Variants in MEGF10 observed in about 807,000 individuals in gnomAD.
MEGF10 encodes multiple EGF like domains 10, also known as multiple epidermal growth factor-like domains protein 10.
MEGF10 carries 86 observed loss-of-function variants against 147.5 expected under a neutral mutation model. That is an observed-to-expected ratio of 0.58 (90% CI 0.49 to 0.70). The LOEUF (loss-of-function observed/expected upper bound fraction) is 0.70. Ranked by LOEUF, MEGF10 falls within the 30% of genes least tolerant of loss-of-function variation. MEGF10 has a pLI of 0.00. For synonymous variants in MEGF10, 478 were observed against 525.5 expected, an observed-to-expected ratio of 0.91 and a Z score of 1.24; for missense variants, 1,329 against 1,487.3, an observed-to-expected ratio of 0.89 and a Z score of 1.75.
At chr5:127,419,043 A>T (rs912558739) in intron 10 of MEGF10, 77 bp from the exon 11 acceptor site, 4 of 1,485,230 alleles carry the variant, frequency 2.7e-6, no homozygotes, top group Non-Finnish European at 3.6e-6. Flanking sequence ...CATTGCCAAG[A>T]TATATTTTTG....
chr5:127,410,373 G>T lies in MEGF10; in HGVS notation c.918-16G>T. On this transcript the variant is annotated splice_polypyrimidine_tract_variant and intron_variant, in intron 8 of 24. Coordinates refer to ENST00000503335, the MANE Select transcript of MEGF10 (RefSeq NM_001256545.2). ...CTAACTAATCTTTCTTCTTGCTCCTGCCTCTTGCTTGGTAGGTGCCAGGAT... is the reference window on the plus strand; with the variant it reads ...CTAACTAATCTTTCTTCTTGCTCCTTCCTCTTGCTTGGTAGGTGCCAGGAT... 1.2e-6 allele frequency: 2 copies of T among 1,612,738 alleles called. No individual in the cohort carries two copies. The highest frequency in any genetic ancestry group is 1.7e-6 in the Non-Finnish European group (2 of 1,178,798).
In MEGF10 at chr5:127,457,310, A is replaced by G; in HGVS notation, c.3415A>G (p.Ser1139Gly). The G allele has an allele frequency of 6.2e-7, 1 of 1,613,030 alleles. No homozygotes were observed. ...TAGCAGCAGCAACAGCAGCAGCAGC[A>G]GTGAATGACACCAAAGGACCGCTTG... ...GGSSSNSSSS[S>G]E is the part of the protein sequence containing the mutation. Residue 1139 changes from serine (S) to glycine (G), a missense_variant, in exon 25 of 25, where the codon AGT becomes GGT. Transcript: ENST00000503335.
chr5:127,352,745 T>C (rs1762129581), intron 4 of MEGF10, among the ~76,000 whole-genome samples: 1 of 151,908 alleles, frequency 6.6e-6, no homozygotes, highest in East Asian at 1.9e-4. Context: ...GGAGATACAG[T>C]GAGACTGCCT....
chr5:127,321,513 T>C (rs144793043), intron 1 of MEGF10, among the ~76,000 whole-genome samples: 382 of 152,250 alleles, frequency 2.5e-3, no homozygotes, highest in African/African-American at 8.8e-3. Flanking sequence ...AGGAAAATTT[T>C]CTAAGATTTT....
At chr5:127,346,729 A>G (rs567533367) in intron 4 of MEGF10, among the ~76,000 whole-genome samples, 1 of 151,986 alleles carries the variant, frequency 6.6e-6, no homozygotes, top group African/African-American at 2.4e-5. Context: ...AGTCCCATCT[A>G]TTTATCTTTG....
intron 1 of MEGF10, among the ~76,000 whole-genome samples, chr5:127,325,349 T>G (rs1760969515): frequency 6.6e-6 from 1 of 152,192 alleles, no homozygotes; most frequent in Non-Finnish European, 1.5e-5. Context: ...GTTGCCATAG[T>G]TTCTTGCCCT....
At chr5:127,297,960 A>C (rs1336405966) in intron 1 of MEGF10, among the ~76,000 whole-genome samples, 1 of 152,088 alleles carries the variant, frequency 6.6e-6, no homozygotes, top group Non-Finnish European at 1.5e-5. Context: ...TGTCACCTGG[A>C]TCTGAATTCA....
At chr5:127,268,602 G>A in the MEGF10 span, among the ~76,000 whole-genome samples, 2 of 152,214 alleles carry the variant, frequency 1.3e-5, no homozygotes, top group African/African-American at 4.8e-5. Flanking sequence ...AGCTTGAACT[G>A]GGTGGAGCCC....
chr5:127,398,545 A>G, intron 6 of MEGF10, 131 bp from the exon 7 acceptor site: 4 of 1,037,458 alleles, frequency 3.9e-6, no homozygotes, highest in Admixed American at 2.2e-5. Context: ...AATGTTCTTG[A>G]TGTTAATTAA....
At chr5:127,400,643 T>C (rs1764091317) in intron 7 of MEGF10, among the ~76,000 whole-genome samples, 1 of 152,198 alleles carries the variant, frequency 6.6e-6, no homozygotes, top group Admixed American at 6.5e-5. Context: ...TCCTAGGACT[T>C]CTGTGTAGAT....
the MEGF10 span, among the ~76,000 whole-genome samples, chr5:127,279,076 A>G: frequency 1.3e-5 from 2 of 152,178 alleles, no homozygotes; most frequent in Non-Finnish European, 2.9e-5. Flanking sequence ...GGTGAGTAAA[A>G]TGCAGCAAGA....
chr5:127,406,872 T>G (rs1764350320), intron 8 of MEGF10, among the ~76,000 whole-genome samples: 1 of 152,190 alleles, frequency 6.6e-6, no homozygotes, highest in African/African-American at 2.4e-5. Flanking sequence ...CGAATGCCGA[T>G]AGTGCTGCCG....
At chr5:127,365,838 C>T (rs183555058) in intron 4 of MEGF10, among the ~76,000 whole-genome samples, 7 of 152,146 alleles carry the variant, frequency 4.6e-5, no homozygotes, top group Non-Finnish European at 1.0e-4. Context: ...TTTAATTGCC[C>T]TTTTAAAAAA....
the MEGF10 span, among the ~76,000 whole-genome samples, chr5:127,283,903 G>T: frequency 6.6e-6 from 1 of 152,064 alleles, no homozygotes; most frequent in Non-Finnish European, 1.5e-5. Flanking sequence ...TTTTTTGGGG[G>T]AAAACACTAA....
At chr5:127,440,669 G>T in intron 17 of MEGF10, 70 bp from the exon 18 acceptor site, 1 of 1,533,072 alleles carries the variant, frequency 6.5e-7, no homozygotes, top group Non-Finnish European at 8.9e-7. Flanking sequence ...CAAATATGTT[G>T]GAGGCACGAG....
rs147939406 is a variant in MEGF10 at position 127,355,314 on chromosome 5, T to TAA, written c.320-14587_320-14586dup. On this transcript the variant is annotated intron_variant, in intron 4 of 24. Coordinates refer to ENST00000503335, the MANE Select transcript of MEGF10 (RefSeq NM_001256545.2). Reference sequence around the variant, plus strand: ...ATAAAATTGTGATCTTGTCAAATATTAAAAAAAAAACCATAGTCTTTTGAT... The same window carrying TAA: ...ATAAAATTGTGATCTTGTCAAATATTAAAAAAAAAAAACCATAGTCTTTTGAT... 1.9e-3 allele frequency among the ~76,000 whole-genome samples: 276 copies of TAA among 148,416 alleles called. 1 individual carries two copies. Among genetic ancestry groups the TAA allele is most frequent in the African/African-American group, 6.4e-3 (261 of 40,676 alleles).
chr5:127,443,000 T>C lies in MEGF10; in HGVS notation c.2365T>C (p.Cys789Arg). ...TACATTTGACTTTCCTTCTCTAGAGTGCCCTTCAGGAACATATGGCTATGG... is the reference window on the plus strand; with the variant it reads ...TACATTTGACTTTCCTTCTCTAGAGCGCCCTTCAGGAACATATGGCTATGG... ...GFMGRHCEQK[C>R]PSGTYGYGCR... Residue 789 changes from cysteine (C) to arginine (R), a missense_variant and splice_region_variant, in exon 19 of 25, where the codon TGC becomes CGC. Coordinates refer to ENST00000503335, the MANE Select transcript of MEGF10 (RefSeq NM_001256545.2). 1 of 1,610,914 alleles carries C rather than the reference T, an allele frequency of 6.2e-7. No individual in the cohort carries two copies. Among genetic ancestry groups the C allele is most frequent in the Non-Finnish European group, 8.5e-7 (1 of 1,178,456 alleles).
intron 1 of MEGF10, among the ~76,000 whole-genome samples, chr5:127,326,505 T>G (rs558818630): frequency 7.9e-5 from 12 of 152,346 alleles, no homozygotes; most frequent in African/African-American, 2.6e-4. Flanking sequence ...ATGGAAGTCC[T>G]CATCTGAGAT....
chr5:127,390,917 C>T (rs1380153784), intron 5 of MEGF10, among the ~76,000 whole-genome samples: 2 of 152,198 alleles, frequency 1.3e-5, no homozygotes, highest in East Asian at 3.9e-4. Flanking sequence ...TCTTCATCTA[C>T]ATAATAGGGA....
Sources: gnomAD v4.1 joint callset for allele counts (sites outside exome capture counted in the v4.1 genomes callset) on GRCh38, gnomAD v4.1.1 for gene constraint, MANE v1.5 for transcripts, NCBI Gene and HGNC (gene_info 2026-07-23, HGNC 2026-07-21) for gene names.